Variants in DUSP13B observed in about 807,000 individuals in gnomAD.
DUSP13B encodes the protein dual specificity phosphatase 13B, also known as dual specificity protein phosphatase 13B.
the DUSP13B span, among the ~76,000 whole-genome samples, chr10:75,106,096 CTTTTCT>C: frequency 3.7e-5 from 4 of 109,024 alleles, no homozygotes; most frequent in African/African-American, 1.2e-4. Context: ...TCTTTTCTTT[CTTTTCT>C]TTTTTTTTTT....
chr10:75,101,302 C>G, the DUSP13B span, among the ~76,000 whole-genome samples: 1 of 152,200 alleles, frequency 6.6e-6, no homozygotes, highest in Non-Finnish European at 1.5e-5. Flanking sequence ...GCACCTCCCA[C>G]AGGGTCTGTC....
chr10:75,108,255 C>T, the DUSP13B span: 1 of 1,549,422 alleles, frequency 6.5e-7, no homozygotes, highest in South Asian at 1.2e-5. Flanking sequence ...AGCCATGGGA[C>T]CAGGAGGGAG....
chr10:75,104,894 G>A, the DUSP13B span, among the ~76,000 whole-genome samples: 1 of 152,000 alleles, frequency 6.6e-6, no homozygotes, highest in African/African-American at 2.4e-5. Flanking sequence ...TTAGGGGTGG[G>A]AGGCAGGGAG....
At chr10:75,108,082 C>T in the DUSP13B span, 1 of 1,613,796 alleles carries the variant, frequency 6.2e-7, no homozygotes, top group Non-Finnish European at 8.5e-7. Context: ...TGGGCTGGCA[C>T]CCCCAGGTAG....
At chr10:75,097,230 C>T in the DUSP13B span, among the ~76,000 whole-genome samples, 13 of 151,666 alleles carry the variant, frequency 8.6e-5, no homozygotes, top group South Asian at 2.7e-3. Flanking sequence ...TTCTTTGAGA[C>T]AGAGTTTCGC....
chr10:75,094,701 A>C, the DUSP13B span: 1 of 1,614,074 alleles, frequency 6.2e-7, no homozygotes, highest in African/African-American at 1.3e-5. Context: ...CTCCCGCCCC[A>C]GTCGGTTGTC....
At chr10:75,096,764 T>A in the DUSP13B span, among the ~76,000 whole-genome samples, 1 of 152,066 alleles carries the variant, frequency 6.6e-6, no homozygotes, top group Non-Finnish European at 1.5e-5. Flanking sequence ...TAAATAAAAA[T>A]TTTAAAATGA....
At chr10:75,109,071 C>A in the DUSP13B span, 1 of 1,612,498 alleles carries the variant, frequency 6.2e-7, no homozygotes, top group South Asian at 1.1e-5. Flanking sequence ...ACTTCCCTGC[C>A]CGCAGGAGCT....
At chr10:75,097,504 C>T in the DUSP13B span, among the ~76,000 whole-genome samples, 1 of 152,256 alleles carries the variant, frequency 6.6e-6, no homozygotes, top group East Asian at 1.9e-4. Flanking sequence ...GCCACCGCAC[C>T]CGGCCCTGTG....
At chr10:75,098,958 A>T in the DUSP13B span, 126,558 of 1,230,888 alleles carry the variant, frequency 0.1, 7,533 homozygotes, top group South Asian at 0.29. Flanking sequence ...TCACTAACCC[A>T]TCTGCTTCCT....
At chr10:75,103,297 G>C in the DUSP13B span, among the ~76,000 whole-genome samples, 1 of 152,244 alleles carries the variant, frequency 6.6e-6, no homozygotes, top group African/African-American at 2.4e-5. Flanking sequence ...GACAGGTCCA[G>C]GATAAAGACC....
chr10:75,099,572 G>T, the DUSP13B span: 25 of 1,211,580 alleles, frequency 2.1e-5, no homozygotes, highest in Admixed American at 4.9e-5. Flanking sequence ...GGGCGCCCAT[G>T]GGGGGTGGGG....
the DUSP13B span, among the ~76,000 whole-genome samples, chr10:75,106,340 T>G: frequency 6.6e-6 from 1 of 151,966 alleles, no homozygotes; most frequent in Non-Finnish European, 1.5e-5. Context: ...GAACTTGCAG[T>G]TCCTTGAGGC....
At chr10:75,096,827 T>C in the DUSP13B span, among the ~76,000 whole-genome samples, 1 of 152,182 alleles carries the variant, frequency 6.6e-6, no homozygotes, top group Non-Finnish European at 1.5e-5. Flanking sequence ...ACAATTCAAA[T>C]GTCCATATTC....
At chr10:75,098,013 A>T in the DUSP13B span, 8 of 794,090 alleles carry the variant, frequency 1.0e-5, no homozygotes, top group Non-Finnish European at 1.5e-5. Context: ...CATCTATTTC[A>T]CATGAGGTAT....
the DUSP13B span, among the ~76,000 whole-genome samples, chr10:75,103,142 G>T: frequency 1.3e-5 from 2 of 152,218 alleles, no homozygotes; most frequent in Non-Finnish European, 2.9e-5. Flanking sequence ...GGGTATTATA[G>T]AAGAAGGGCA....
At chr10:75,095,107 T>C in the DUSP13B span, among the ~76,000 whole-genome samples, 7 of 152,162 alleles carry the variant, frequency 4.6e-5, no homozygotes, top group Non-Finnish European at 7.4e-5. Flanking sequence ...CCAGTCCAGG[T>C]GCTTCCTCAG....
the DUSP13B span, among the ~76,000 whole-genome samples, chr10:75,101,048 T>A: frequency 2.0e-5 from 3 of 152,206 alleles, no homozygotes; most frequent in Non-Finnish European, 4.4e-5. Flanking sequence ...CCACAGGCCA[T>A]GTGGGGCTGG....
the DUSP13B span, among the ~76,000 whole-genome samples, chr10:75,100,671 GC>G: frequency 1.3e-5 from 2 of 152,026 alleles, no homozygotes; most frequent in Non-Finnish European, 2.9e-5. Context: ...GCTCCTCCTC[GC>G]CCCCTTCCTG....
Sources: allele counts gnomAD v4.1 joint callset (sites outside exome capture counted in the v4.1 genomes callset), GRCh38; gene constraint gnomAD v4.1.1; transcripts MANE v1.5; gene names NCBI Gene and HGNC (gene_info 2026-07-23, HGNC 2026-07-21).